SORCS2: variants seen among roughly 807,000 people sequenced by gnomAD.
SORCS2 encodes the protein sortilin related VPS10 domain containing receptor 2, also known as VPS10 domain-containing receptor SorCS2.
In SORCS2, 100 loss-of-function variants were observed where a neutral mutation model predicts 141.6. That is an observed-to-expected ratio of 0.71 (90% CI 0.60 to 0.83). The LOEUF (loss-of-function observed/expected upper bound fraction) is 0.83. Ranked by LOEUF, SORCS2 falls within the 40% of genes least tolerant of loss-of-function variation. The pLI is 0.00. For missense variants in SORCS2, 1,646 were observed against 1,560.2 expected (o/e 1.05, Z -0.93); for synonymous variants, 789 against 676.9 (o/e 1.17, Z -2.57).
At chr4:7,658,371 G>A (rs1468683383) in intron 5 of SORCS2, among the ~76,000 whole-genome samples, 1 of 151,238 alleles carries the variant, frequency 6.6e-6, no homozygotes, top group Non-Finnish European at 1.5e-5. Context: ...TGTGCCCCAG[G>A]TGTCATTGCC....
intron 2 of SORCS2, chr4:7,433,013 T>C: frequency 4.0e-6 from 1 of 251,970 alleles, no homozygotes; most frequent in Non-Finnish European, 7.5e-6. Context: ...ATGGGCAGGC[T>C]CTCATGGGAC....
rs534379473 is a variant in SORCS2 at position 7,663,086 on chromosome 4, G to A, written c.953-1267G>A. Among the ~76,000 whole-genome samples, 1 of 152,134 alleles carries A rather than the reference G, an allele frequency of 6.6e-6. No individual in the cohort carries two copies. The highest frequency in any genetic ancestry group is 2.4e-5 in the African/African-American group (1 of 41,424). On this transcript the variant is annotated intron_variant, in intron 6 of 26. Transcript: ENST00000507866. The surrounding 1 kb of genome is among the most constrained non-coding windows in gnomAD (Gnocchi z 4.8). ...AAAGAGTGGGTGAATGAGTGAGTGA[G>A]TGAGTGAATGAGTAAGTGAATGAGA...
intron 1 of SORCS2, among the ~76,000 whole-genome samples, chr4:7,386,257 C>G: frequency 1.9e-5 from 1 of 53,490 alleles, no homozygotes; most frequent in African/African-American, 7.2e-5. Flanking sequence ...CACACACATA[C>G]AGGTACACAG....
chr4:7,227,779 G>A (rs929069919), intron 1 of SORCS2, among the ~76,000 whole-genome samples: 4 of 152,190 alleles, frequency 2.6e-5, no homozygotes, highest in Admixed American at 6.5e-5. Flanking sequence ...CAGGCAGAGC[G>A]GCTAAACGCA....
intron 2 of SORCS2, among the ~76,000 whole-genome samples, chr4:7,470,417 C>A (rs1459638057): frequency 2.0e-5 from 3 of 152,220 alleles, no homozygotes; most frequent in African/African-American, 7.2e-5. Flanking sequence ...AGCCATCCAG[C>A]CATCCTCCCA....
chr4:7,738,275 G>A (rs1003937680), intron 26 of SORCS2, among the ~76,000 whole-genome samples: 8 of 152,260 alleles, frequency 5.3e-5, no homozygotes, highest in Admixed American at 3.9e-4. Flanking sequence ...CCTGCATGCC[G>A]TGTCGGGCAA....
At chr4:7,378,135 G>A (rs3864213) in intron 1 of SORCS2, among the ~76,000 whole-genome samples, 97,293 of 152,062 alleles carry the variant, frequency 0.64, 32,102 homozygotes, top group East Asian at 0.96. Context: ...ATCAAATACA[G>A]ATGGGGTGGG....
intron 9 of SORCS2, among the ~76,000 whole-genome samples, chr4:7,681,556 G>A (rs991200401): frequency 1.3e-5 from 2 of 152,218 alleles, no homozygotes; most frequent in African/African-American, 4.8e-5. Context: ...CTTAACTGTA[G>A]CCGCATGCCA....
intron 1 of SORCS2, among the ~76,000 whole-genome samples, chr4:7,249,055 TAACA>T (rs1713311848): frequency 6.6e-6 from 1 of 152,248 alleles, no homozygotes; most frequent in African/African-American, 2.4e-5. Context: ...AGTGCTGCAG[TAACA>T]AACAGCCCCA....
chr4:7,228,928 C>A (rs1711603326), intron 1 of SORCS2, among the ~76,000 whole-genome samples: 2 of 152,232 alleles, frequency 1.3e-5, no homozygotes, highest in African/African-American at 4.8e-5. Context: ...TCCTGCTGGC[C>A]AGTCCAGGGC....
At chr4:7,518,235 T>G (rs1733108762) in intron 2 of SORCS2, among the ~76,000 whole-genome samples, 1 of 152,212 alleles carries the variant, frequency 6.6e-6, no homozygotes, top group African/African-American at 2.4e-5. Flanking sequence ...ATTGATCGTA[T>G]GTGGATTGCT....
Position 7,551,761 on chromosome 4 carries a change from A to G in SORCS2, c.648+20132A>G, listed in dbSNP as rs115439094. Among the ~76,000 whole-genome samples the G allele has an allele frequency of 9.6e-3, 1,465 of 152,344 alleles. 20 individuals are homozygous for G. Among genetic ancestry groups the G allele is most frequent in the African/African-American group, 0.033 (1,352 of 41,580 alleles). On this transcript the variant is annotated intron_variant, in intron 3 of 26. Transcript: ENST00000507866. ...CGAACTCCAGGCAGCACGCGAGCCA[A>G]GCTCTTTATCAGATGACTTTTATGT...
intron 1 of SORCS2, among the ~76,000 whole-genome samples, chr4:7,383,292 T>C (rs958906211): frequency 2.0e-5 from 3 of 152,144 alleles, no homozygotes; most frequent in Non-Finnish European, 2.9e-5. Flanking sequence ...CCTGCTTGGG[T>C]TCCCTAAGGC....
At position 7,734,339 on chromosome 4, in the gene SORCS2, C is replaced by T. The variant is rs369452883; in HGVS notation, c.3276C>T (p.Phe1092=). Residue 1092 remains phenylalanine (F), a synonymous_variant, in exon 25 of 27, where the codon TTC becomes TTT. Transcript: ENST00000507866. ...AVVVLFVIGL[F]AAGAFILYKF... ...TGGTGCTGTTTGTCATCGGGCTCTT[C>T]GCAGCGGGAGCCTTCATCCTCTACA... is the stretch of plus-strand genomic sequence containing the variant. 1.1e-5 allele frequency: 18 copies of T among 1,590,406 alleles called. No homozygotes were observed. The highest frequency in any genetic ancestry group is 1.7e-5 in the Admixed American group (1 of 57,664).
At chr4:7,287,997 G>C (rs376509716) in intron 1 of SORCS2, among the ~76,000 whole-genome samples, 1 of 152,226 alleles carries the variant, frequency 6.6e-6, no homozygotes, top group African/African-American at 2.4e-5. Context: ...GGGAGAGCCC[G>C]TTGCTGGCGT....
At chr4:7,659,885 AC>A (rs1722040118) in intron 5 of SORCS2, among the ~76,000 whole-genome samples, 1 of 152,224 alleles carries the variant, frequency 6.6e-6, no homozygotes, top group African/African-American at 2.4e-5. Flanking sequence ...TAGCTAGGAA[AC>A]AACCTGTGTG....
At chr4:7,334,425 C>A (rs1417207396) in intron 1 of SORCS2, among the ~76,000 whole-genome samples, 1 of 152,140 alleles carries the variant, frequency 6.6e-6, no homozygotes, top group African/African-American at 2.4e-5. Flanking sequence ...GGGCTGGTCC[C>A]CCCTCCCATT....
At chr4:7,670,696 C>G (rs1179910504) in intron 8 of SORCS2, among the ~76,000 whole-genome samples, 1 of 152,182 alleles carries the variant, frequency 6.6e-6, no homozygotes, top group Admixed American at 6.5e-5. Flanking sequence ...ATATCAAAGT[C>G]GATTTGGATA....
chr4:7,297,737 G>C (rs1717176851), intron 1 of SORCS2, among the ~76,000 whole-genome samples: 1 of 152,230 alleles, frequency 6.6e-6, no homozygotes, highest in African/African-American at 2.4e-5. Context: ...TGCAACTCCA[G>C]GAGCAAGGCT....
Sources: allele counts gnomAD v4.1 joint callset (sites outside exome capture counted in the v4.1 genomes callset), GRCh38; gene constraint gnomAD v4.1.1; non-coding constraint Gnocchi (gnomAD v3.1); transcripts MANE v1.5; gene names NCBI Gene and HGNC (gene_info 2026-07-23, HGNC 2026-07-21).